ZBTB20: variants seen among roughly 807,000 people sequenced by gnomAD.
The protein encoded by ZBTB20 is zinc finger and BTB domain containing 20.
In ZBTB20, 9 loss-of-function variants were observed where a neutral mutation model predicts 56.9. The ratio of observed to expected loss-of-function variants is 0.16; its 90% CI spans 0.10 to 0.28. The LOEUF (loss-of-function observed/expected upper bound fraction) is 0.28, where lower values mean the gene tolerates loss of function less well. ZBTB20 is among the 10% of genes least tolerant of loss of function. The pLI is 1.00. For synonymous variants in ZBTB20, 417 were observed against 420.7 expected, an observed-to-expected ratio of 0.99 and a Z score of 0.11; for missense variants, 655 against 1,003.0, an observed-to-expected ratio of 0.65 and a Z score of 4.69.
chr3:114,730,192 A>G (rs1158168313), intron 5 of ZBTB20, among the ~76,000 whole-genome samples: 1 of 150,900 alleles, frequency 6.6e-6, no homozygotes, highest in East Asian at 1.9e-4. Flanking sequence ...ATTTATGCCA[A>G]ATGTTGCAAT....
intron 2 of ZBTB20, among the ~76,000 whole-genome samples, chr3:115,048,942 A>G (rs1180532107): frequency 6.6e-6 from 1 of 152,196 alleles, no homozygotes; most frequent in African/African-American, 2.4e-5. Flanking sequence ...ACAGGTACAC[A>G]TACTTGAACC....
intron 5 of ZBTB20, among the ~76,000 whole-genome samples, chr3:114,772,616 A>T (rs532711142): frequency 1.3e-4 from 20 of 152,208 alleles, no homozygotes; most frequent in Middle Eastern, 6.8e-3. Flanking sequence ...CATATATATT[A>T]AAAAAATCTA....
chr3:115,019,145 A>C (rs1335422098), intron 2 of ZBTB20, among the ~76,000 whole-genome samples: 1 of 151,362 alleles, frequency 6.6e-6, no homozygotes, highest in African/African-American at 2.4e-5. Flanking sequence ...GAAAAGAAAA[A>C]ATCTAATTTT....
chr3:114,510,551 GCAGCATGAT>G (rs1252875984), intron 6 of ZBTB20, among the ~76,000 whole-genome samples: 1 of 151,652 alleles, frequency 6.6e-6, no homozygotes, highest in Admixed American at 6.6e-5. Context: ...TGACCCAGCA[GCAGCATGAT>G]CATATGATTT....
chr3:115,089,362 A>G (rs1417866742), intron 1 of ZBTB20, among the ~76,000 whole-genome samples: 2 of 151,868 alleles, frequency 1.3e-5, no homozygotes, highest in Admixed American at 1.3e-4. Context: ...AAGAGATCCC[A>G]TAGGCGAAGT....
At chr3:114,850,921 G>C (rs1006707848) in intron 4 of ZBTB20, among the ~76,000 whole-genome samples, 1 of 152,128 alleles carries the variant, frequency 6.6e-6, no homozygotes, top group South Asian at 2.1e-4. Flanking sequence ...AAATGTCTCA[G>C]TTGAGGGATT....
intron 5 of ZBTB20, among the ~76,000 whole-genome samples, chr3:114,791,510 G>A (rs2070955164): frequency 6.6e-6 from 1 of 152,152 alleles, no homozygotes; most frequent in Non-Finnish European, 1.5e-5. Context: ...TGTGGGGTTA[G>A]ATGTGGAACC....
At position 114,875,708 on chromosome 3, in the gene ZBTB20, C is replaced by T. The variant is rs116775445; in HGVS notation, c.-417+24596G>A. On this transcript the variant is annotated intron_variant, in intron 4 of 11. Transcript: ENST00000675478. ...ACCTATCAGAAAAACCTGGCTATGACATTTCCTGGCTAAGTGATTTAACTT... is the reference window on the plus strand; with the variant it reads ...ACCTATCAGAAAAACCTGGCTATGATATTTCCTGGCTAAGTGATTTAACTT... Among the ~76,000 whole-genome samples the T allele has an allele frequency of 5.5e-3, 840 of 152,218 alleles. 8 individuals carry two copies. The highest frequency in any genetic ancestry group is 0.019 in the African/African-American group (790 of 41,524).
At chr3:114,522,494 T>A (rs1356386916) in intron 6 of ZBTB20, among the ~76,000 whole-genome samples, 5 of 152,178 alleles carry the variant, frequency 3.3e-5, no homozygotes, top group Non-Finnish European at 5.9e-5. Context: ...AGTGATGTGG[T>A]CTGACTGAAA....
chr3:115,119,639 C>T (rs1156803349), intron 1 of ZBTB20, among the ~76,000 whole-genome samples: 1 of 152,140 alleles, frequency 6.6e-6, no homozygotes, highest in Non-Finnish European at 1.5e-5. Flanking sequence ...ATGCCTGGCA[C>T]ATAGAAAGCA....
intron 1 of ZBTB20, among the ~76,000 whole-genome samples, chr3:115,106,338 A>T (rs550529871): frequency 3.5e-5 from 5 of 144,590 alleles, no homozygotes; most frequent in African/African-American, 1.3e-4. Flanking sequence ...GGTTCACACC[A>T]CTCTCCTGCC....
chr3:114,738,447 T>A (rs1299252533), intron 5 of ZBTB20, among the ~76,000 whole-genome samples: 1 of 152,138 alleles, frequency 6.6e-6, no homozygotes, highest in Non-Finnish European at 1.5e-5. Flanking sequence ...GACAAGGGAA[T>A]TGAATATGTG....
chr3:114,819,516 C>A, intron 4 of ZBTB20, among the ~76,000 whole-genome samples: 1 of 151,744 alleles, frequency 6.6e-6, no homozygotes, highest in Non-Finnish European at 1.5e-5. Context: ...AGAAATAGAT[C>A]CTAATGTTGA....
chr3:114,913,769 G>A (rs928631787), intron 3 of ZBTB20, among the ~76,000 whole-genome samples: 1 of 151,926 alleles, frequency 6.6e-6, no homozygotes, highest in Admixed American at 6.6e-5. Context: ...TATAATGAGA[G>A]AGAAGGGTCT....
chr3:114,872,775 T>C (rs1219542303), intron 4 of ZBTB20, among the ~76,000 whole-genome samples: 1 of 152,096 alleles, frequency 6.6e-6, no homozygotes, highest in Non-Finnish European at 1.5e-5. Context: ...AGTGCCAAAA[T>C]TCAAACTGTG....
intron 7 of ZBTB20, among the ~76,000 whole-genome samples, chr3:114,498,100 C>T (rs1321872014): frequency 6.6e-6 from 1 of 152,164 alleles, no homozygotes; most frequent in African/African-American, 2.4e-5. Context: ...AGATATTGTC[C>T]TGAGAATAAA....
chr3:114,753,248 G>C (rs1201703836), intron 5 of ZBTB20, among the ~76,000 whole-genome samples: 1 of 59,152 alleles, frequency 1.7e-5, no homozygotes, highest in African/African-American at 4.6e-5. Flanking sequence ...ATGTATACCT[G>C]TATATAATGT....
chr3:114,651,535 C>T (rs2060127626), intron 6 of ZBTB20, among the ~76,000 whole-genome samples: 2 of 130,466 alleles, frequency 1.5e-5, no homozygotes, highest in South Asian at 4.8e-4. Context: ...ATAAGTAAAA[C>T]CCTTGGTTGG....
At chr3:114,792,439 T>C (rs1349060099) in intron 5 of ZBTB20, among the ~76,000 whole-genome samples, 1 of 152,140 alleles carries the variant, frequency 6.6e-6, no homozygotes, top group Non-Finnish European at 1.5e-5. Flanking sequence ...TTCACACAGA[T>C]AATCTCAGAA....
Sources: gnomAD v4.1 joint callset for allele counts (sites outside exome capture counted in the v4.1 genomes callset) on GRCh38, gnomAD v4.1.1 for gene constraint, MANE v1.5 for transcripts, NCBI Gene and HGNC (gene_info 2026-07-23, HGNC 2026-07-21) for gene names.